The following MSN variants were observed in gnomAD, a reference collection of about 807,000 sequenced individuals.
The protein encoded by MSN is moesin.
In MSN, 2 loss-of-function variants were observed where a neutral mutation model predicts 48.0. The observed-to-expected ratio is 0.04, with a 90% CI of 0.02 to 0.13. The LOEUF is 0.13. Among genes scored for constraint, MSN ranks in the 10% least tolerant of loss-of-function variants. MSN has a pLI of 1.00. For synonymous variants in MSN, 146 were observed against 166.9 expected (o/e 0.87, Z 0.97); for missense variants, 267 against 470.1 (o/e 0.57, Z 3.99).
chrX:65,679,627 C>T (rs769671294), intron 1 of MSN, among the ~76,000 whole-genome samples: 79 of 112,358 alleles, frequency 7.0e-4, no homozygotes, highest in Admixed American at 6.6e-4. Flanking sequence ...AGGGAATAAG[C>T]AAGTTTATGG....
intron 1 of MSN, among the ~76,000 whole-genome samples, chrX:65,641,375 C>G (rs1232336340): frequency 2.0e-5 from 2 of 100,983 alleles, no homozygotes; most frequent in Non-Finnish European, 4.0e-5. Flanking sequence ...ACTAAAAATA[C>G]AAAAATTAGC....
rs2071583376 is a variant in MSN, at chrX:65,727,878, G to A, written c.161G>A (p.Gly54Asp). ...GGTCTGCAGTACCAGGACACTAAAG[G>A]TTTCTCCACCTGGCTGAAACTCAAT... is the stretch of plus-strand genomic sequence containing the variant. ...FFGLQYQDTK[G>D]FSTWLKLNKK... The change falls in exon 3 of 13, where the codon GGT (glycine) becomes GAT (aspartate). Residue 54 changes from glycine to aspartate, a missense_variant. Transcript: ENST00000360270. The A allele has an allele frequency of 8.3e-7, 1 of 1,208,149 alleles. No individual in the cohort carries two copies. Among genetic ancestry groups the A allele is most frequent in the African/African-American group, 1.8e-5 (1 of 57,042 alleles).
chrX:65,618,576 C>G (rs1196115679), intron 1 of MSN, among the ~76,000 whole-genome samples: 1 of 111,372 alleles, frequency 9.0e-6, no homozygotes, highest in African/African-American at 3.3e-5. Flanking sequence ...CTTCCTCCAT[C>G]CTTTTATTTT....
intron 1 of MSN, among the ~76,000 whole-genome samples, chrX:65,601,280 G>T (rs192484703): frequency 1.1e-3 from 128 of 111,479 alleles, no homozygotes; most frequent in African/African-American, 4.0e-3. Flanking sequence ...TATTCAGAGG[G>T]CCTTTCTAGT....
At chrX:65,616,875 C>A (rs1208234413) in intron 1 of MSN, among the ~76,000 whole-genome samples, 1 of 109,347 alleles carries the variant, frequency 9.1e-6, no homozygotes, top group East Asian at 2.9e-4. Flanking sequence ...TTTTGAAATA[C>A]GTCCCATCAA....
intron 1 of MSN, among the ~76,000 whole-genome samples, chrX:65,702,007 CTTT>C (rs370395222): frequency 1.1e-5 from 1 of 93,747 alleles, no homozygotes; most frequent in Non-Finnish European, 2.2e-5. Flanking sequence ...ATTCAATTGG[CTTT>C]TTTTTTTTTT....
intron 1 of MSN, chrX:65,588,777 C>A: frequency 3.9e-6 from 1 of 255,796 alleles, no homozygotes; most frequent in Non-Finnish European, 5.7e-6. Context: ...TGTTTTGACC[C>A]CCACCCCCCA....
At chrX:65,618,920 C>T (rs2070403928) in intron 1 of MSN, among the ~76,000 whole-genome samples, 1 of 109,704 alleles carries the variant, frequency 9.1e-6, no homozygotes, top group Admixed American at 9.8e-5. Context: ...CAAAATCTCT[C>T]AGCATTTGCT....
intron 1 of MSN, among the ~76,000 whole-genome samples, chrX:65,619,760 T>C (rs2070415702): frequency 9.1e-6 from 1 of 109,591 alleles, no homozygotes; most frequent in Admixed American, 9.5e-5. Context: ...AGGAACTGCG[T>C]TCCTTTGGAG....
At chrX:65,592,361 A>C (rs2070154781) in intron 1 of MSN, among the ~76,000 whole-genome samples, 1 of 107,883 alleles carries the variant, frequency 9.3e-6, no homozygotes, top group South Asian at 4.2e-4. Flanking sequence ...ACACCCAGCT[A>C]ATTTTTGTGT....
chrX:65,718,838 A>T (rs1340274297), intron 2 of MSN, among the ~76,000 whole-genome samples: 1 of 108,498 alleles, frequency 9.2e-6, no homozygotes, highest in Non-Finnish European at 1.9e-5. Context: ...AAAAAAAAGT[A>T]AAGAAAAATA....
chrX:65,698,077 G>C (rs1273514792), intron 1 of MSN, among the ~76,000 whole-genome samples: 1 of 111,905 alleles, frequency 8.9e-6, no homozygotes, highest in East Asian at 2.8e-4. Flanking sequence ...ACAGGATGTG[G>C]GGAGGGCTGG....
chrX:65,637,765 G>A lies in MSN; in HGVS notation c.-22+49153G>A, dbSNP rs770249633. Among the ~76,000 whole-genome samples the A allele has an allele frequency of 8.2e-5, 9 of 110,325 alleles. No homozygotes were observed. In the South Asian group the frequency reaches 3.5e-3, roughly 43 times the overall value. ...TGGTCTTGGACTCCTGGGCTCAAGCGATCCTCCCACCTTGGCCTCCTTAAA... is the reference window on the plus strand; with the variant it reads ...TGGTCTTGGACTCCTGGGCTCAAGCAATCCTCCCACCTTGGCCTCCTTAAA... On this transcript the variant is annotated intron_variant, in intron 1 of 3. Coordinates refer to the MSN transcript ENST00000609672.
chrX:65,670,494 G>A (rs2070921021), intron 1 of MSN, among the ~76,000 whole-genome samples: 1 of 110,819 alleles, frequency 9.0e-6, no homozygotes. Context: ...GGAGGCCGAG[G>A]CAGGCAGATC....
rs190425181 is a variant in MSN, at chrX:65,597,387, T to C, written c.-22+8775T>C. On this transcript the variant is annotated intron_variant, in intron 1 of 3. Coordinates refer to the MSN transcript ENST00000609672. Reference sequence around the variant, plus strand: ...TTTGAGACAGGGTCTGGCCCTATAGTCCAAGCTGGAGTCCAGTGGTGTGAT... The same window carrying C: ...TTTGAGACAGGGTCTGGCCCTATAGCCCAAGCTGGAGTCCAGTGGTGTGAT... 6.7e-3 allele frequency among the ~76,000 whole-genome samples: 721 copies of C among 106,922 alleles called. 5 individuals are homozygous for C. The highest frequency in any genetic ancestry group is 0.022 in the African/African-American group (643 of 28,903). The allele number at this position is 106,922 out of a possible 115,157, so 92.8% of individuals were successfully genotyped here.
intron 1 of MSN, among the ~76,000 whole-genome samples, chrX:65,653,867 G>A (rs753449499): frequency 8.2e-5 from 9 of 109,993 alleles, no homozygotes; most frequent in South Asian, 7.7e-4. Flanking sequence ...TCCACCTCCC[G>A]GGTTCAAGTG....
intron 5 of MSN, 22 bp from the exon 6 acceptor site, chrX:65,731,816 C>T (rs200502754): frequency 2.7e-4 from 319 of 1,199,001 alleles, no homozygotes; most frequent in Non-Finnish European, 3.4e-4. Context: ...CACTTTGTGA[C>T]CCCCAACTCT....
intron 1 of MSN, among the ~76,000 whole-genome samples, chrX:65,700,732 T>C (rs1432997332): frequency 1.8e-5 from 2 of 111,892 alleles, no homozygotes; most frequent in Non-Finnish European, 3.8e-5. Context: ...ATAAAATGGG[T>C]TTAATAATGC....
rs778459733 is a variant in MSN at position 65,735,306 on chromosome X, C to T, written c.835C>T (p.Arg279Trp). ...TGCTCCCCGGCTGCGGATTAACAAGCGGATCTTGGCCTTGTGCATGGGGAA... is the reference window on the plus strand; with the variant it reads ...TGCTCCCCGGCTGCGGATTAACAAGTGGATCTTGGCCTTGTGCATGGGGAA... ...FYAPRLRINK[R>W]ILALCMGNHE... The change falls in exon 8 of 13, where the codon CGG becomes TGG. Residue 279 changes from arginine to tryptophan, a missense_variant. Transcript: ENST00000360270. 4 of 1,210,651 alleles carry T rather than the reference C, an allele frequency of 3.3e-6. No homozygotes were observed. Among genetic ancestry groups the T allele is most frequent in the Non-Finnish European group, 4.5e-6 (4 of 895,056 alleles).
Sources: allele counts gnomAD v4.1 joint callset (sites outside exome capture counted in the v4.1 genomes callset), GRCh38; gene constraint gnomAD v4.1.1; transcripts MANE v1.5; gene names NCBI Gene and HGNC (gene_info 2026-07-23, HGNC 2026-07-21).